Variants in TNPO3 observed in about 807,000 individuals in gnomAD.
TNPO3 encodes transportin-3.
Under a neutral mutation model 122.8 loss-of-function variants are expected in TNPO3, and 65 were observed. The ratio of observed to expected loss-of-function variants is 0.53; its 90% confidence interval spans 0.43 to 0.65. The LOEUF (loss-of-function observed/expected upper bound fraction) is 0.65, where lower values mean the gene tolerates loss of function less well. TNPO3 is among the 30% of genes least tolerant of loss of function. The probability of loss-of-function intolerance (pLI) is 0.00; values close to 1 mark genes in which losing one functional copy is unlikely to be tolerated. For missense variants in TNPO3, 850 were observed against 1,136.7 expected (o/e 0.75, Z 3.63); for synonymous variants, 372 against 411.2 (o/e 0.90, Z 1.15).
At position 128,979,973 on chromosome 7, in the gene TNPO3, C is replaced by G. The variant is rs1383924253; in HGVS notation, c.1918G>C (p.Glu640Gln). The G allele has an allele frequency of 1.2e-6, 2 of 1,613,878 alleles. No homozygotes were observed. The highest frequency in any genetic ancestry group is 1.7e-6 in the Non-Finnish European group (2 of 1,179,896). Residue 640 changes from glutamate (E) to glutamine (Q), a missense_variant and splice_region_variant, in exon 15 of 23, where the codon GAA becomes CAA. Coordinates refer to ENST00000265388, the MANE Select transcript of TNPO3 (RefSeq NM_012470.4). ...QTHPCQKVIQ[E>Q]IWPVLSETLN... is the part of the protein sequence containing the mutation. ...CACAAGCATCCATTAGCACTTACTT[C>G]CTGTATGACTTTCTGACACGGATGA...
At chr7:128,955,760 T>C (rs1454600574) in intron 22 of TNPO3, among the ~76,000 whole-genome samples, 2 of 152,178 alleles carry the variant, frequency 1.3e-5, no homozygotes, top group Non-Finnish European at 2.9e-5. Flanking sequence ...AAAGAAGGCT[T>C]TGCCTACTAA....
intron 20 of TNPO3, among the ~76,000 whole-genome samples, chr7:128,968,831 C>T (rs941095496): frequency 4.6e-5 from 7 of 152,150 alleles, no homozygotes; most frequent in African/African-American, 1.7e-4. Flanking sequence ...CTACCTCACC[C>T]TCCTGAGTAG....
chr7:129,023,838 C>T (rs952481055), intron 1 of TNPO3, among the ~76,000 whole-genome samples: 1 of 152,128 alleles, frequency 6.6e-6, no homozygotes, highest in Non-Finnish European at 1.5e-5. Context: ...ATTCTAATGG[C>T]AACAACCACA....
Position 128,954,834 on chromosome 7 carries a change from A to G in TNPO3, c.*583T>C, listed in dbSNP as rs925792786. ...GGGAGAGAGAAAGAGAAGGAAGGGT[A>G]GGAGAGGAAAGAGAGGACAAAACAA... is the stretch of plus-strand genomic sequence containing the variant. On this transcript the variant is annotated 3_prime_UTR_variant, in exon 23 of 23. Transcript: ENST00000265388. 1 of 154,286 alleles carries G rather than the reference A, an allele frequency of 6.5e-6. No individual in the cohort carries two copies. Among genetic ancestry groups the G allele is most frequent in the African/African-American group, 2.4e-5 (1 of 41,490 alleles). The allele number at this position is 154,286 out of a possible 1,614,324, so 9.6% of individuals were successfully genotyped here.
Position 128,984,215 on chromosome 7 carries a change from C to T in TNPO3, c.1735G>A (p.Glu579Lys), listed in dbSNP as rs373570876. 4.3e-6 allele frequency: 7 copies of T among 1,613,010 alleles called. No individual in the cohort carries two copies. The highest frequency in any genetic ancestry group is 2.2e-5 in the South Asian group (2 of 90,898). ...ACAGAACATAGTTCACTAAGACATT[C>T]GGTAATCTTATCCAAAGGTAATCGG... is the stretch of plus-strand genomic sequence containing the variant. ...LARLPLDKITECLSELCSVQV... is the reference protein window; with the variant it reads ...LARLPLDKITKCLSELCSVQV... Residue 579 changes from glutamate to lysine, a missense_variant, in exon 13 of 23, where the codon GAA becomes AAA. By Grantham distance (56) the Glu-to-Lys change is moderately conservative. Transcript: ENST00000265388.
At chr7:129,035,950 CTTTTTTTT>C (rs71162551) in intron 1 of TNPO3, among the ~76,000 whole-genome samples, 2 of 119,938 alleles carry the variant, frequency 1.7e-5, no homozygotes, top group African/African-American at 3.0e-5. Context: ...CTTTTCTTTT[CTTTTTTTT>C]TTTTTTTTTT....
At chr7:128,971,609 CT>C (rs1384041745) in intron 19 of TNPO3, among the ~76,000 whole-genome samples, 1 of 152,216 alleles carries the variant, frequency 6.6e-6, no homozygotes, top group Non-Finnish European at 1.5e-5. Context: ...CTGCTCTCCC[CT>C]GTCTACAATT....
chr7:128,979,146 C>A, intron 15 of TNPO3, 23 bp from the exon 16 acceptor site: 1 of 1,611,944 alleles, frequency 6.2e-7, no homozygotes, highest in Non-Finnish European at 8.5e-7. Flanking sequence ...TAAAAGAGCA[C>A]AAGAAAGAAA....
chr7:129,020,192 A>G (rs556055651), intron 1 of TNPO3, among the ~76,000 whole-genome samples: 47 of 152,074 alleles, frequency 3.1e-4, no homozygotes, highest in African/African-American at 1.1e-3. Context: ...GGTGCAAAGT[A>G]AGCATGAGGT....
intron 11 of TNPO3, 25 bp downstream of exon 11, chr7:128,989,936 G>A (rs1267874481): frequency 6.2e-7 from 1 of 1,601,526 alleles, no homozygotes; most frequent in Non-Finnish European, 8.6e-7. Flanking sequence ...AGTTAGAAGT[G>A]GCAGAGGAGA....
chr7:128,988,581 G>A (rs80046936), intron 11 of TNPO3, among the ~76,000 whole-genome samples: 2 of 152,270 alleles, frequency 1.3e-5, no homozygotes, highest in Non-Finnish European at 2.9e-5. Flanking sequence ...ACTGCAAGGT[G>A]GCACTGAATG....
At chr7:129,006,025 C>T (rs961331628) in intron 4 of TNPO3, among the ~76,000 whole-genome samples, 11 of 152,036 alleles carry the variant, frequency 7.2e-5, no homozygotes, top group Non-Finnish European at 8.8e-5. Context: ...TCAGGCAATC[C>T]GCCCACCTTG....
At chr7:129,045,440 G>A (rs955151348) in intron 1 of TNPO3, among the ~76,000 whole-genome samples, 4 of 150,224 alleles carry the variant, frequency 2.7e-5, no homozygotes, top group Non-Finnish European at 5.9e-5. Context: ...AGGCTGCAGT[G>A]AGCTATGATC....
Position 128,990,006 on chromosome 7 carries a change from C to A in TNPO3, c.1453G>T (p.Val485Phe). Residue 485 changes from valine to phenylalanine, a missense_variant, in exon 11 of 23, where the codon GTT becomes TTT. Physicochemically the swap from Val to Phe is conservative, Grantham distance 50. Coordinates refer to ENST00000265388, the MANE Select transcript of TNPO3 (RefSeq NM_012470.4). ...TAVRYTSIELVGEMSEVVDRN... is the reference protein window; with the variant it reads ...TAVRYTSIELFGEMSEVVDRN... ...TCAACGACTTCACTCATCTCTCCAA[C>A]CAATTCAATGCTGGTGTATCGCACA... 1.2e-6 allele frequency: 2 copies of A among 1,614,242 alleles called. No homozygotes were observed. The highest frequency in any genetic ancestry group is 8.5e-7 in the Non-Finnish European group (1 of 1,180,038).
At chr7:128,976,634 C>A (rs908337267) in intron 16 of TNPO3, among the ~76,000 whole-genome samples, 1 of 152,072 alleles carries the variant, frequency 6.6e-6, no homozygotes, top group East Asian at 1.9e-4. Context: ...CCACCATGCC[C>A]GGCCACGATA....
chr7:128,975,966 C>T, intron 16 of TNPO3, 31 bp from the exon 17 acceptor site: 1 of 1,473,644 alleles, frequency 6.8e-7, no homozygotes. Flanking sequence ...TAGTTCAATG[C>T]TTCGTCCTTC....
At chr7:129,005,866 C>T (rs1366775170) in intron 4 of TNPO3, among the ~76,000 whole-genome samples, 2 of 150,616 alleles carry the variant, frequency 1.3e-5, no homozygotes, top group Non-Finnish European at 2.9e-5. Context: ...GCTGCAACCT[C>T]CACCTCCCTG....
At chr7:129,016,120 A>G (rs1803826412) in intron 3 of TNPO3, among the ~76,000 whole-genome samples, 1 of 151,972 alleles carries the variant, frequency 6.6e-6, no homozygotes, top group Non-Finnish European at 1.5e-5. Context: ...AAAGTTATCC[A>G]AGCTGGATGA....
At position 128,998,368 on chromosome 7, in the gene TNPO3, T is replaced by C. The variant is rs568894111; in HGVS notation, c.1012-833A>G. 4.1e-4 allele frequency among the ~76,000 whole-genome samples: 63 copies of C among 152,096 alleles called. 3 individuals are homozygous for C. The South Asian group carries it at 0.011, about 28-fold the overall frequency. On this transcript the variant is annotated intron_variant, in intron 7 of 22. Transcript: ENST00000265388. ...GAGTGAGACCCTGTCTCAAAAGATATATATATTTTCTTTAGAGACAGGGTC... is the reference window on the plus strand; with the variant it reads ...GAGTGAGACCCTGTCTCAAAAGATACATATATTTTCTTTAGAGACAGGGTC...
Sources: gnomAD v4.1 joint callset for allele counts (sites outside exome capture counted in the v4.1 genomes callset) on GRCh38, gnomAD v4.1.1 for gene constraint, MANE v1.5 for transcripts, NCBI Gene and HGNC (gene_info 2026-07-23, HGNC 2026-07-21) for gene names.